The following UBTD1 variants were observed in gnomAD, a reference collection of about 807,000 sequenced individuals.
UBTD1 encodes the protein ubiquitin domain containing 1.
Under a neutral mutation model 21.7 loss-of-function variants are expected in UBTD1, and 19 were observed. That is an observed-to-expected ratio of 0.87 (90% CI 0.61 to 1.28). UBTD1 has a LOEUF of 1.28. Among genes scored for constraint, UBTD1 ranks in the 50% most tolerant of loss-of-function variants. The probability of loss-of-function intolerance (pLI) is 0.00; values close to 1 mark genes in which losing one functional copy is unlikely to be tolerated. For synonymous variants in UBTD1, 116 were observed against 135.1 expected, an observed-to-expected ratio of 0.86 and a Z score of 0.98; for missense variants, 282 against 315.1, an observed-to-expected ratio of 0.89 and a Z score of 0.80.
chr10:97,538,097 A>G (rs575848517), intron 1 of UBTD1, among the ~76,000 whole-genome samples: 8 of 152,150 alleles, frequency 5.3e-5, no homozygotes, highest in Admixed American at 5.2e-4. Context: ...AAATGCTTGG[A>G]TTACAGGCAC....
intron 1 of UBTD1, among the ~76,000 whole-genome samples, 198 bp from the exon 2 acceptor site, chr10:97,567,716 A>G (rs1392786752): frequency 6.6e-6 from 1 of 151,750 alleles, no homozygotes; most frequent in East Asian, 1.9e-4. Flanking sequence ...TGACACAATT[A>G]TTTTATGTCC....
chr10:97,542,285 G>A (rs2040590757), intron 1 of UBTD1, among the ~76,000 whole-genome samples: 1 of 152,214 alleles, frequency 6.6e-6, no homozygotes, highest in Admixed American at 6.5e-5. Context: ...GAGTTATGGT[G>A]GCAGCAGCAG....
chr10:97,506,154 T>C (rs2040398877), intron 1 of UBTD1, among the ~76,000 whole-genome samples: 2 of 152,062 alleles, frequency 1.3e-5, no homozygotes, highest in African/African-American at 4.8e-5. Context: ...AGGGACCTAG[T>C]GGTGGGCAGA....
intron 1 of UBTD1, among the ~76,000 whole-genome samples, chr10:97,527,583 A>G (rs1159249038): frequency 6.6e-6 from 1 of 152,192 alleles, no homozygotes; most frequent in Admixed American, 6.5e-5. Context: ...ACAAGTGAAC[A>G]AAGGTCTCTG....
chr10:97,507,360 G>C (rs1373179675), intron 1 of UBTD1, among the ~76,000 whole-genome samples: 1 of 152,080 alleles, frequency 6.6e-6, no homozygotes, highest in East Asian at 1.9e-4. Context: ...ATAGAGGCTG[G>C]GCATGGTGGC....
intron 1 of UBTD1, among the ~76,000 whole-genome samples, chr10:97,567,546 C>T (rs916653763): frequency 3.3e-5 from 5 of 151,602 alleles, no homozygotes; most frequent in African/African-American, 1.2e-4. Flanking sequence ...GTAATCCCAG[C>T]TACTCGGGAG....
Position 97,499,033 on chromosome 10 carries a change from G to C in UBTD1, c.-171G>C. On this transcript the variant is annotated 5_prime_UTR_variant, in exon 1 of 3. Coordinates refer to ENST00000370664, the MANE Select transcript of UBTD1 (RefSeq NM_024954.5). ...AGTCTGCCACTTCCCTCTCTCCCCTGGCCCGCAAAGTTTTGGCGGAGCCAT... is the reference window on the plus strand; with the variant it reads ...AGTCTGCCACTTCCCTCTCTCCCCTCGCCCGCAAAGTTTTGGCGGAGCCAT... 1 of 720,396 alleles carries C rather than the reference G, an allele frequency of 1.4e-6. No individual in the cohort carries two copies. The highest frequency in any genetic ancestry group is 2.2e-6 in the Non-Finnish European group (1 of 461,574). 44.6% of individuals were successfully genotyped at this position (720,396 alleles called of 1,614,324 possible).
chr10:97,534,643 C>T (rs1198322550), intron 1 of UBTD1, among the ~76,000 whole-genome samples: 11 of 151,690 alleles, frequency 7.3e-5, no homozygotes, highest in African/African-American at 2.2e-4. Context: ...CTAATACATG[C>T]ACAAATATAT....
chr10:97,570,071 G>T lies in UBTD1; in HGVS notation c.299-67G>T, dbSNP rs988642376. 3.9e-6 allele frequency: 6 copies of T among 1,527,836 alleles called. No homozygotes were observed. The Admixed American group carries it at 1.1e-4, about 29-fold the overall frequency. The allele number at this position is 1,527,836 out of a possible 1,614,324, so 94.6% of individuals were successfully genotyped here. On this transcript the variant is annotated intron_variant, in intron 2 of 2. Coordinates refer to ENST00000370664, the MANE Select transcript of UBTD1 (RefSeq NM_024954.5). The surrounding 1 kb of genome is among the most constrained non-coding windows in gnomAD (Gnocchi z 6.6). ...GAGTTTCACCATATGAATTTGGGGG[G>T]ACCCAAACATTTAATCCATGATAGT...
intron 1 of UBTD1, among the ~76,000 whole-genome samples, chr10:97,516,746 G>A (rs1309749474): frequency 1.3e-5 from 2 of 152,006 alleles, no homozygotes; most frequent in Non-Finnish European, 2.9e-5. Flanking sequence ...ACTCCAGCCT[G>A]GGCAACAGAG....
intron 1 of UBTD1, among the ~76,000 whole-genome samples, chr10:97,564,931 C>T (rs1316140539): frequency 6.6e-6 from 1 of 152,222 alleles, no homozygotes; most frequent in African/African-American, 2.4e-5. Flanking sequence ...ATAACTCTTT[C>T]AACCAATTGC....
intron 1 of UBTD1, among the ~76,000 whole-genome samples, chr10:97,501,826 A>G (rs948966171): frequency 3.9e-5 from 6 of 152,094 alleles, no homozygotes; most frequent in African/African-American, 7.2e-5. Flanking sequence ...CCTTGTTTGA[A>G]GCACCTTGCC....
intron 1 of UBTD1, among the ~76,000 whole-genome samples, chr10:97,526,370 A>G (rs1416442114): frequency 1.3e-5 from 2 of 152,210 alleles, no homozygotes; most frequent in South Asian, 2.1e-4. Context: ...ATGCACTAAG[A>G]CTTTGATTCT....
chr10:97,540,329 C>T (rs913451989), intron 1 of UBTD1, among the ~76,000 whole-genome samples: 16 of 152,316 alleles, frequency 1.1e-4, no homozygotes, highest in African/African-American at 3.1e-4. Flanking sequence ...TCCTGAGCAT[C>T]GGCTAGACTC....
In UBTD1 at chr10:97,499,081, G is replaced by T. The variant is rs574661307; in HGVS notation, c.-123G>T. The T allele has an allele frequency of 1.8e-6, 2 of 1,131,402 alleles. No homozygotes were observed. The highest frequency in any genetic ancestry group is 2.4e-6 in the Non-Finnish European group (2 of 821,892). 70.1% of individuals were successfully genotyped at this position (1,131,402 alleles called of 1,614,324 possible). A position where few individuals can be genotyped will look rare whatever the true frequency, so the allele number is the denominator to read the frequency against. On this transcript the variant is annotated 5_prime_UTR_variant, in exon 1 of 3. Transcript: ENST00000370664. ...CATCGCTGGGGCTGAGCGCGCCCCC[G>T]GGGGGAGATCGGGGAGCGCCCGATG...
At chr10:97,525,813 A>T (rs2040485805) in intron 1 of UBTD1, among the ~76,000 whole-genome samples, 2 of 152,228 alleles carry the variant, frequency 1.3e-5, no homozygotes, top group Non-Finnish European at 1.5e-5. Context: ...GTATGGGTAA[A>T]TACTGGGTCC....
intron 1 of UBTD1, among the ~76,000 whole-genome samples, chr10:97,529,852 A>T (rs914132772): frequency 6.6e-5 from 10 of 152,178 alleles, no homozygotes; most frequent in Admixed American, 5.9e-4. Flanking sequence ...CGTGTGATCT[A>T]CCTGGCAGCA....
rs1194430483 is a variant in UBTD1, at chr10:97,530,339, G to T, written c.70+31066G>T. On this transcript the variant is annotated intron_variant, in intron 1 of 2. Transcript: ENST00000370664. ...TTTAATCCCAGTGACTCAGGAGGCT[G>T]AGGCAGGGGGAATGCTGGAGCCCAG... is the stretch of plus-strand genomic sequence containing the variant. Among the ~76,000 whole-genome samples the T allele has an allele frequency of 2.0e-5, 3 of 152,350 alleles. No individual in the cohort carries two copies. In the East Asian group the frequency reaches 5.8e-4, roughly 29 times the overall value.
intron 1 of UBTD1, among the ~76,000 whole-genome samples, chr10:97,551,205 T>G (rs528331247): frequency 6.6e-6 from 1 of 152,272 alleles, no homozygotes; most frequent in African/African-American, 2.4e-5. Context: ...GACCCTAGCC[T>G]TTGCCTCTAT....
Sources: allele counts gnomAD v4.1 joint callset (sites outside exome capture counted in the v4.1 genomes callset), GRCh38; gene constraint gnomAD v4.1.1; non-coding constraint Gnocchi (gnomAD v3.1); transcripts MANE v1.5; gene names NCBI Gene and HGNC (gene_info 2026-07-23, HGNC 2026-07-21).